WDPCP: variants seen among roughly 807,000 people sequenced by gnomAD.
WDPCP encodes the protein WD repeat containing planar cell polarity effector.
Under a neutral mutation model 93.1 loss-of-function variants are expected in WDPCP, and 71 were observed. That is an observed-to-expected ratio of 0.76 (90% CI 0.63 to 0.93). The LOEUF (loss-of-function observed/expected upper bound fraction) is 0.93. WDPCP is among the 40% of genes least tolerant of loss of function. WDPCP has a pLI of 0.00. For synonymous variants in WDPCP, 315 were observed against 315.0 expected, an observed-to-expected ratio of 1.00 and a Z score of 0.00; for missense variants, 844 against 887.4, an observed-to-expected ratio of 0.95 and a Z score of 0.62.
intron 12 of WDPCP, among the ~76,000 whole-genome samples, chr2:63,315,773 T>G (rs1433388317): frequency 6.7e-6 from 1 of 149,598 alleles, no homozygotes; most frequent in African/African-American, 2.5e-5. Flanking sequence ...TTTTTTTTTG[T>G]TTTGGACTGG....
intron 1 of WDPCP, among the ~76,000 whole-genome samples, chr2:63,498,080 A>G (rs1034259821): frequency 3.3e-5 from 5 of 152,200 alleles, no homozygotes; most frequent in Non-Finnish European, 1.5e-5. Flanking sequence ...AATAAAATAT[A>G]TAGCAAGTTG....
At chr2:63,302,888 A>T (rs1685441194) in intron 13 of WDPCP, among the ~76,000 whole-genome samples, 1 of 152,180 alleles carries the variant, frequency 6.6e-6, no homozygotes, top group Admixed American at 6.5e-5. Context: ...TGTCCTTGGG[A>T]ACATGACCTG....
intron 1 of WDPCP, among the ~76,000 whole-genome samples, chr2:63,817,767 G>A (rs1448492652): frequency 6.6e-6 from 1 of 152,142 alleles, no homozygotes; most frequent in Non-Finnish European, 1.5e-5. Flanking sequence ...AAGAGTGAGG[G>A]GGAAAAATTA....
intron 2 of WDPCP, among the ~76,000 whole-genome samples, chr2:63,808,207 G>C (rs12612596): frequency 0.22 from 33,137 of 152,108 alleles, 4,869 homozygotes; most frequent in East Asian, 0.74. Flanking sequence ...AAACTGGCAG[G>C]AGACTGAAAA....
At chr2:63,792,629 C>A (rs1385275940) in intron 2 of WDPCP, among the ~76,000 whole-genome samples, 1 of 152,132 alleles carries the variant, frequency 6.6e-6, no homozygotes, top group Non-Finnish European at 1.5e-5. Flanking sequence ...GTGCTCCTGG[C>A]AGAGCATGAA....
At chr2:63,487,334 T>C in intron 3 of WDPCP, 113 bp downstream of exon 3, 1 of 760,786 alleles carries the variant, frequency 1.3e-6, no homozygotes, top group Non-Finnish European at 2.1e-6. Context: ...GGACTTTTCT[T>C]AAAATTCTAG....
chr2:63,659,018 C>T (rs1239927867), intron 2 of WDPCP, among the ~76,000 whole-genome samples: 1 of 152,186 alleles, frequency 6.6e-6, no homozygotes, highest in Non-Finnish European at 1.5e-5. Context: ...AGATAAAAGG[C>T]TATATTCACC....
chr2:63,563,668 G>A (rs1275640233), intron 1 of WDPCP, among the ~76,000 whole-genome samples: 1 of 152,060 alleles, frequency 6.6e-6, no homozygotes, highest in Admixed American at 6.5e-5. Context: ...TAGGTTCTTA[G>A]GAGGCAATTC....
intron 10 of WDPCP, among the ~76,000 whole-genome samples, chr2:63,400,961 G>A (rs1038833201): frequency 4.6e-5 from 7 of 152,026 alleles, no homozygotes; most frequent in Non-Finnish European, 8.8e-5. Flanking sequence ...AACTGAAACT[G>A]ACCCCTTCCT....
intron 15 of WDPCP, among the ~76,000 whole-genome samples, chr2:63,163,304 G>GT (rs1248764662): frequency 1.3e-5 from 2 of 152,066 alleles, no homozygotes; most frequent in African/African-American, 4.8e-5. Flanking sequence ...TCATTTTTAT[G>GT]TTTTAAAAGA....
chr2:63,719,223 G>A (rs1669381175), intron 2 of WDPCP, among the ~76,000 whole-genome samples: 1 of 152,188 alleles, frequency 6.6e-6, no homozygotes. Context: ...CAGTATTACT[G>A]GAGCCAGAGA....
At chr2:63,731,574 A>G (rs997508848) in intron 2 of WDPCP, among the ~76,000 whole-genome samples, 4 of 152,236 alleles carry the variant, frequency 2.6e-5, no homozygotes, top group Admixed American at 6.5e-5. Flanking sequence ...TAAGATACTA[A>G]GATCCAGTGG....
chr2:63,454,552 T>C (rs1698496559), intron 6 of WDPCP, among the ~76,000 whole-genome samples: 1 of 152,080 alleles, frequency 6.6e-6, no homozygotes, highest in Non-Finnish European at 1.5e-5. Context: ...GAGCAAAGTC[T>C]CTGTGATAAA....
chr2:63,684,324 C>A, intron 2 of WDPCP: 1 of 636,002 alleles, frequency 1.6e-6, no homozygotes, highest in African/African-American at 1.8e-5. Context: ...GTTCATGAAA[C>A]CTGGGAAGGT....
At chr2:63,587,558 T>A (rs1176760431) in intron 1 of WDPCP, among the ~76,000 whole-genome samples, 1 of 152,254 alleles carries the variant, frequency 6.6e-6, no homozygotes, top group Non-Finnish European at 1.5e-5. Context: ...GTTCTAACAA[T>A]GTTATCTAAT....
chr2:63,818,883 A>G (rs1670976993), intron 1 of WDPCP, among the ~76,000 whole-genome samples: 1 of 152,164 alleles, frequency 6.6e-6, no homozygotes, highest in African/African-American at 2.4e-5. Flanking sequence ...TGGGGCTGCA[A>G]TGTTCTATTT....
At chr2:63,353,223 C>G (rs1689761019) in intron 12 of WDPCP, among the ~76,000 whole-genome samples, 1 of 152,172 alleles carries the variant, frequency 6.6e-6, no homozygotes, top group Non-Finnish European at 1.5e-5. Context: ...TACCTGGAGT[C>G]TCTGTAGAAC....
chr2:63,453,262 C>A (rs551071417), intron 6 of WDPCP, among the ~76,000 whole-genome samples: 1 of 152,142 alleles, frequency 6.6e-6, no homozygotes, highest in Non-Finnish European at 1.5e-5. Context: ...AAACAAACAA[C>A]CCCATCAAAA....
chr2:63,502,833 A>G (rs1701637073), intron 1 of WDPCP, among the ~76,000 whole-genome samples: 1 of 152,072 alleles, frequency 6.6e-6, no homozygotes, highest in East Asian at 1.9e-4. Flanking sequence ...CAATTAAGCT[A>G]GTGCTGTGCA....
Sources: gnomAD v4.1 joint callset for allele counts (sites outside exome capture counted in the v4.1 genomes callset) on GRCh38, gnomAD v4.1.1 for gene constraint, MANE v1.5 for transcripts, NCBI Gene and HGNC (gene_info 2026-07-23, HGNC 2026-07-21) for gene names.